MYO18B: variants seen among roughly 807,000 people sequenced by gnomAD.
MYO18B encodes unconventional myosin-XVIIIb.
MYO18B carries 204 observed loss-of-function variants against 273.0 expected under a neutral mutation model. The observed-to-expected ratio is 0.75, with a 90% CI of 0.67 to 0.84. The LOEUF (loss-of-function observed/expected upper bound fraction) is 0.84, where lower values mean the gene tolerates loss of function less well. Among genes scored for constraint, MYO18B ranks in the 40% least tolerant of loss-of-function variants. The probability of loss-of-function intolerance (pLI) is 0.00; values close to 1 mark genes in which losing one functional copy is unlikely to be tolerated. For missense variants in MYO18B, 3,212 were observed against 3,287.6 expected (o/e 0.98, Z 0.56); for synonymous variants, 1,330 against 1,305.7 (o/e 1.02, Z -0.40).
rs3070566 is a variant in MYO18B at position 25,914,686 on chromosome 22, C to CTTTTTTTT, written c.5364+3657_5364+3664dup. Among the ~76,000 whole-genome samples the CTTTTTTTT allele has an allele frequency of 2.6e-3, 132 of 50,854 alleles. 41 individuals carry two copies. Among genetic ancestry groups the CTTTTTTTT allele is most frequent in the Non-Finnish European group, 3.2e-3 (96 of 29,682 alleles). The allele number at this position is 50,854 out of a possible 152,430, so 33.4% of individuals were successfully genotyped here. ...TTTGAAAATAAGAATAGTTTTGACT[C>CTTTTTTTT]TTTTTTTTTTTTTTTTTTTTTTTTT... On this transcript the variant is annotated intron_variant, in intron 33 of 43. Transcript: ENST00000335473.
chr22:26,012,208 G>A (rs1934970513), intron 42 of MYO18B, among the ~76,000 whole-genome samples: 1 of 152,224 alleles, frequency 6.6e-6, no homozygotes, highest in Non-Finnish European at 1.5e-5. Context: ...CTTAAATGAT[G>A]AGATAAGACT....
chr22:25,978,820 G>A (rs377740060), intron 39 of MYO18B, among the ~76,000 whole-genome samples: 2 of 152,146 alleles, frequency 1.3e-5, no homozygotes, highest in South Asian at 4.1e-4. Context: ...AGGTTGTGGT[G>A]GTGGGCGCCT....
intron 25 of MYO18B, among the ~76,000 whole-genome samples, chr22:25,889,185 TA>T (rs1315739919): frequency 2.6e-5 from 4 of 151,304 alleles, no homozygotes; most frequent in African/African-American, 9.7e-5. Flanking sequence ...ATATTTTTTT[TA>T]TGTCAGAACA....
At chr22:25,747,228 T>G (rs1361020742) in intron 1 of MYO18B, among the ~76,000 whole-genome samples, 1 of 152,250 alleles carries the variant, frequency 6.6e-6, no homozygotes, top group Non-Finnish European at 1.5e-5. Flanking sequence ...AACCAGCTTC[T>G]TGCTTCATGG....
chr22:25,887,448 T>G (rs1358409468), intron 25 of MYO18B, among the ~76,000 whole-genome samples: 1 of 152,190 alleles, frequency 6.6e-6, no homozygotes, highest in Non-Finnish European at 1.5e-5. Flanking sequence ...CCTGTCCCCT[T>G]CTCTCTGGCA....
chr22:25,955,168 GC>G lies in MYO18B; in HGVS notation c.5971-7del, dbSNP rs2092834703. On this transcript the variant is annotated splice_polypyrimidine_tract_variant and intron_variant, in intron 38 of 43. Coordinates refer to ENST00000335473, the MANE Select transcript of MYO18B (RefSeq NM_032608.7). ...AACTCCAAGGTGGGCATGTGTCTCT[GC>G]CCCTCCCAGGTCCTGGTGATCCGGC... 6.3e-7 allele frequency: 1 copy of G among 1,589,000 alleles called. No homozygotes were observed. The highest frequency in any genetic ancestry group is 1.3e-5 in the African/African-American group (1 of 74,626).
chr22:25,972,003 C>G (rs1208010536), intron 39 of MYO18B, among the ~76,000 whole-genome samples: 2 of 151,674 alleles, frequency 1.3e-5, no homozygotes, highest in Non-Finnish European at 2.9e-5. Flanking sequence ...CCAGGCTGGT[C>G]TCGAACTCAT....
intron 42 of MYO18B, among the ~76,000 whole-genome samples, chr22:26,015,490 G>A (rs1935251811): frequency 6.6e-6 from 1 of 152,210 alleles, no homozygotes; most frequent in African/African-American, 2.4e-5. Flanking sequence ...ATGAGATCAT[G>A]TCCTTTGCAG....
chr22:25,826,712 A>G (rs1009040297), intron 14 of MYO18B, among the ~76,000 whole-genome samples: 2 of 152,166 alleles, frequency 1.3e-5, no homozygotes, highest in Non-Finnish European at 1.5e-5. Context: ...TCGTCTGTAC[A>G]ATAGCTCTCT....
chr22:25,747,235 A>C (rs1454538488), intron 1 of MYO18B, among the ~76,000 whole-genome samples: 2 of 152,266 alleles, frequency 1.3e-5, no homozygotes, highest in African/African-American at 4.8e-5. Flanking sequence ...TTCTTGCTTC[A>C]TGGTGGCCGG....
At chr22:25,763,495 CT>C in intron 3 of MYO18B, 106 bp downstream of exon 3, 2 of 1,359,154 alleles carry the variant, frequency 1.5e-6, no homozygotes, top group South Asian at 2.8e-5. Context: ...TCCTGCTGTC[CT>C]GGTTTTGAGG....
chr22:25,920,975 A>G (rs1420168238), intron 33 of MYO18B, among the ~76,000 whole-genome samples: 1 of 152,202 alleles, frequency 6.6e-6, no homozygotes, highest in African/African-American at 2.4e-5. Context: ...CATACGGGCT[A>G]TGATAGCAGC....
intron 23 of MYO18B, 47 bp from the exon 24 acceptor site, chr22:25,876,142 A>G (rs779613353): frequency 5.7e-6 from 9 of 1,573,084 alleles, no homozygotes; most frequent in Middle Eastern, 1.7e-4. Flanking sequence ...CTTTATCCTC[A>G]CCTGGGTTGG....
chr22:25,965,319 C>CAAT (rs2092965753), intron 39 of MYO18B, among the ~76,000 whole-genome samples: 2 of 152,172 alleles, frequency 1.3e-5, no homozygotes, highest in South Asian at 4.1e-4. Context: ...TTGTGAAGGC[C>CAAT]TTGTTCCCCT....
chr22:26,022,077 T>A (rs577297263), intron 42 of MYO18B, among the ~76,000 whole-genome samples: 1 of 152,172 alleles, frequency 6.6e-6, no homozygotes, highest in Admixed American at 6.5e-5. Flanking sequence ...CTGGAGCCTC[T>A]CCTTGAAGAG....
At position 26,030,556 on chromosome 22, in the gene MYO18B, C is replaced by G. The variant is rs960252612; in HGVS notation, c.*126C>G. The G allele has an allele frequency of 5.4e-6, 1 of 186,760 alleles. No homozygotes were observed. 11.6% of individuals were successfully genotyped at this position (186,760 alleles called of 1,614,324 possible). A position where few individuals can be genotyped will look rare whatever the true frequency, so the allele number is the denominator to read the frequency against. On this transcript the variant is annotated 3_prime_UTR_variant, in exon 44 of 44. Transcript: ENST00000335473. The stretch of plus-strand genomic sequence containing the variant: ...AGCCAGCATGGCCACCCTCAAGAGG[C>G]GAGATGAGCCCACAGAGGCATATCC...
intron 6 of MYO18B, among the ~76,000 whole-genome samples, chr22:25,771,739 A>G (rs2086728015): frequency 6.6e-6 from 1 of 152,250 alleles, no homozygotes; most frequent in Non-Finnish European, 1.5e-5. Context: ...TGAGACTACC[A>G]GGTTCAGAAA....
At chr22:26,025,482 G>A (rs1048108930) in intron 42 of MYO18B, among the ~76,000 whole-genome samples, 2 of 152,122 alleles carry the variant, frequency 1.3e-5, no homozygotes, top group African/African-American at 4.8e-5. Context: ...TCAGAGGCAG[G>A]GACCCCATGA....
chr22:25,811,045 G>A (rs2088729143), intron 12 of MYO18B, among the ~76,000 whole-genome samples: 1 of 150,314 alleles, frequency 6.7e-6, no homozygotes, highest in South Asian at 2.1e-4. Context: ...ACTGAGTCTC[G>A]CTGTGTTGCC....
Sources: gnomAD v4.1 joint callset for allele counts (sites outside exome capture counted in the v4.1 genomes callset) on GRCh38, gnomAD v4.1.1 for gene constraint, MANE v1.5 for transcripts, NCBI Gene and HGNC (gene_info 2026-07-23, HGNC 2026-07-21) for gene names.